EPHA6: variants seen among roughly 807,000 people sequenced by gnomAD.
EPHA6 encodes ephrin type-A receptor 6.
A neutral mutation model predicts 112.0 loss-of-function variants in EPHA6; 50 were observed. The observed-to-expected ratio is 0.45, with a 90% confidence interval of 0.36 to 0.56. The LOEUF is 0.56. Ranked by LOEUF, EPHA6 falls within the 20% of genes least tolerant of loss-of-function variation. The probability of loss-of-function intolerance (pLI) is 0.00; values close to 1 mark genes in which losing one functional copy is unlikely to be tolerated. For synonymous variants in EPHA6, 529 were observed against 490.7 expected (o/e 1.08, Z -1.03); for missense variants, 1,280 against 1,417.4 (o/e 0.90, Z 1.56).
In EPHA6 at chr3:97,740,509, ATTAGGGATC is replaced by A. The variant is rs2035456008; in HGVS notation, c.3128+4395_3128+4403del. Among the ~76,000 whole-genome samples the A allele has an allele frequency of 4.6e-5, 7 of 152,210 alleles. No individual in the cohort carries two copies. The South Asian group carries it at 1.4e-3, about 32-fold the overall frequency. On this transcript the variant is annotated intron_variant, in intron 16 of 17. Transcript: ENST00000389672. The stretch of plus-strand genomic sequence containing the variant: ...TATTGTTACTACCCACTGGGCCATA[ATTAGGGATC>A]TTATAAGACTTTAGCAACTGCAACT...
rs559018003 is a variant in EPHA6, at chr3:97,069,022, G to A, written c.1114+81029G>A. ...TGCGTATACACACACGCACACATAC[G>A]CACACACTTATAATTGACCCTTGAA... On this transcript the variant is annotated intron_variant, in intron 3 of 17. Transcript: ENST00000389672. Among the ~76,000 whole-genome samples, 15 of 152,142 alleles carry A rather than the reference G, an allele frequency of 9.9e-5. No individual in the cohort carries two copies. In the South Asian group the frequency reaches 1.0e-3, roughly 11 times the overall value.
chr3:97,341,408 G>T (rs1007091118), intron 5 of EPHA6, among the ~76,000 whole-genome samples: 3 of 151,468 alleles, frequency 2.0e-5, no homozygotes, highest in African/African-American at 7.3e-5. Context: ...AGGCTGGAGT[G>T]CAGTGGCACA....
intron 2 of EPHA6, among the ~76,000 whole-genome samples, chr3:96,922,830 T>C (rs2039840825): frequency 6.6e-6 from 1 of 152,154 alleles, no homozygotes; most frequent in Non-Finnish European, 1.5e-5. Context: ...CAGGCCCCAG[T>C]ATGTGTTGTT....
chr3:96,954,250 G>A (rs1306997114), intron 2 of EPHA6, among the ~76,000 whole-genome samples: 1 of 152,042 alleles, frequency 6.6e-6, no homozygotes, highest in Non-Finnish European at 1.5e-5. Context: ...TAAATTGTAA[G>A]CCAGATCTTG....
chr3:97,296,021 G>T (rs1400208036), intron 5 of EPHA6, among the ~76,000 whole-genome samples: 2 of 152,192 alleles, frequency 1.3e-5, no homozygotes, highest in Admixed American at 1.3e-4. Flanking sequence ...AGCTTGCTCA[G>T]ATGCCAGCAG....
chr3:97,627,044 C>T (rs1275030758), intron 13 of EPHA6, among the ~76,000 whole-genome samples: 1 of 151,872 alleles, frequency 6.6e-6, no homozygotes, highest in Non-Finnish European at 1.5e-5. Flanking sequence ...TGCATTAGCT[C>T]ACTTACTGTT....
chr3:97,418,118 G>A (rs1438313426), intron 6 of EPHA6, among the ~76,000 whole-genome samples: 6 of 150,598 alleles, frequency 4.0e-5, no homozygotes, highest in African/African-American at 1.2e-4. Flanking sequence ...GCAGATTGGG[G>A]GAAATTAAAC....
intron 3 of EPHA6, among the ~76,000 whole-genome samples, chr3:97,092,088 T>G (rs1576471896): frequency 1.3e-5 from 2 of 150,864 alleles, no homozygotes; most frequent in East Asian, 3.9e-4. Context: ...TTAACAAGGT[T>G]TTTTTTTTTA....
At chr3:97,174,078 A>C (rs2076769493) in intron 3 of EPHA6, among the ~76,000 whole-genome samples, 1 of 147,686 alleles carries the variant, frequency 6.8e-6, no homozygotes, top group East Asian at 2.0e-4. Flanking sequence ...TCTACCCTGT[A>C]TGTTCATGAG....
At chr3:97,154,349 T>C (rs2076241419) in intron 3 of EPHA6, among the ~76,000 whole-genome samples, 1 of 152,166 alleles carries the variant, frequency 6.6e-6, no homozygotes, top group African/African-American at 2.4e-5. Flanking sequence ...GTTTATTTTC[T>C]TTTAAATTGG....
At chr3:97,659,642 A>C (rs2107629183) in intron 14 of EPHA6, among the ~76,000 whole-genome samples, 1 of 152,144 alleles carries the variant, frequency 6.6e-6, no homozygotes, top group South Asian at 2.1e-4. Context: ...AAAAGGTTAA[A>C]CCTGAAGAGA....
rs868204402 is a variant in EPHA6 at position 97,178,026 on chromosome 3, T to C, written c.1115-48238T>C. On this transcript the variant is annotated intron_variant, in intron 3 of 17. Coordinates refer to ENST00000389672, the MANE Select transcript of EPHA6 (RefSeq NM_001080448.3). The stretch of plus-strand genomic sequence containing the variant: ...TTCTGATTGTTTTGTCATCTTCTCT[T>C]CTTTGTTTCTTTCCTTCCTGTCTTC... 9.2e-5 allele frequency among the ~76,000 whole-genome samples: 14 copies of C among 152,172 alleles called. No individual in the cohort carries two copies. In the South Asian group the frequency reaches 2.5e-3, roughly 27 times the overall value.
chr3:97,005,795 A>C (rs1211339065), intron 3 of EPHA6, among the ~76,000 whole-genome samples: 1 of 152,204 alleles, frequency 6.6e-6, no homozygotes, highest in Non-Finnish European at 1.5e-5. Context: ...TGTGCCATCA[A>C]TACCTAGTTT....
chr3:96,904,803 GA>G (rs2038838066), intron 2 of EPHA6, among the ~76,000 whole-genome samples: 2 of 152,124 alleles, frequency 1.3e-5, no homozygotes, highest in South Asian at 4.2e-4. Context: ...TTCTAAATTT[GA>G]TGTACAGGAT....
intron 14 of EPHA6, among the ~76,000 whole-genome samples, chr3:97,659,838 A>G (rs2094158770): frequency 6.6e-6 from 1 of 152,032 alleles, no homozygotes; most frequent in Admixed American, 6.6e-5. Flanking sequence ...GCTTTAATAT[A>G]TATCATCACA....
At chr3:96,947,240 C>T (rs745812490) in intron 2 of EPHA6, among the ~76,000 whole-genome samples, 11 of 152,256 alleles carry the variant, frequency 7.2e-5, no homozygotes, top group South Asian at 2.1e-4. Flanking sequence ...GTGTTTTAGA[C>T]ATGAAGTCCT....
chr3:97,492,107 T>G (rs2091854096), intron 10 of EPHA6, among the ~76,000 whole-genome samples: 1 of 152,142 alleles, frequency 6.6e-6, no homozygotes, highest in South Asian at 2.1e-4. Flanking sequence ...TTTTCAAGCT[T>G]AAAGTGAATA....
In EPHA6 at chr3:97,324,405, TTTTCTTTCTTTCTTTCTTTCTTTCTTTC is replaced by T. The variant is rs775072826; in HGVS notation, c.1606+80158_1606+80185del. 2.9e-5 allele frequency among the ~76,000 whole-genome samples: 3 copies of T among 104,566 alleles called. No homozygotes were observed. In the South Asian group the frequency reaches 1.0e-3, roughly 36 times the overall value. The allele number at this position is 104,566 out of a possible 152,430, so 68.6% of individuals were successfully genotyped here. ...TTCTAAGATTTCTTTGCTTTCCTTC[TTTTCTTTCTTTCTTTCTTTCTTTCTTTC>T]TTTCTTTCTTTCTTTCTTTCTTTCT... On this transcript the variant is annotated intron_variant, in intron 5 of 17. Transcript: ENST00000389672.
intron 1 of EPHA6, among the ~76,000 whole-genome samples, chr3:96,856,658 G>A (rs1344509042): frequency 6.6e-6 from 1 of 152,088 alleles, no homozygotes; most frequent in Non-Finnish European, 1.5e-5. Context: ...CTTCAGTGCT[G>A]TTCAAATTTA....
Sources: allele counts gnomAD v4.1 joint callset (sites outside exome capture counted in the v4.1 genomes callset), GRCh38; gene constraint gnomAD v4.1.1; transcripts MANE v1.5; gene names NCBI Gene and HGNC (gene_info 2026-07-23, HGNC 2026-07-21).